Variants in SPTB observed in about 807,000 individuals in gnomAD.
The protein encoded by SPTB is spectrin beta chain, erythrocytic.
SPTB carries 45 observed loss-of-function variants against 256.2 expected under a neutral mutation model. The ratio of observed to expected loss-of-function variants is 0.18; its 90% CI spans 0.14 to 0.23. The LOEUF (loss-of-function observed/expected upper bound fraction) is 0.23. SPTB is among the 10% of genes least tolerant of loss of function. The pLI is 1.00. For missense variants in SPTB, 2,715 were observed against 3,040.4 expected (o/e 0.89, Z 2.52); for synonymous variants, 1,231 against 1,243.1 (o/e 0.99, Z 0.21).
intron 1 of SPTB, among the ~76,000 whole-genome samples, chr14:64,850,723 T>G (rs1262755705): frequency 1.3e-5 from 2 of 152,238 alleles, no homozygotes; most frequent in Non-Finnish European, 1.5e-5. Flanking sequence ...AGTGATGTGA[T>G]TTATGGTGAC....
At position 64,759,538 on chromosome 14, in the gene SPTB, G is replaced by A. The variant is rs1320437021; in HGVS notation, c.6346-5745C>T. ...TAAGCAGGCCATGGTCTGAGGTGGG[G>A]ACTGCCTTACCCGACAGGAGGCGAG... On this transcript the variant is annotated intron_variant, in intron 32 of 35. Transcript: ENST00000644917. The surrounding 1 kb of genome is among the most constrained non-coding windows in gnomAD (Gnocchi z 4.8). Among the ~76,000 whole-genome samples, 2 of 152,240 alleles carry A rather than the reference G, an allele frequency of 1.3e-5. No individual in the cohort carries two copies. Among genetic ancestry groups the A allele is most frequent in the Non-Finnish European group, 2.9e-5 (2 of 68,054 alleles).
chr14:64,855,933 G>A (rs1433090684), intron 1 of SPTB, among the ~76,000 whole-genome samples: 1 of 152,198 alleles, frequency 6.6e-6, no homozygotes. Flanking sequence ...GCCACTGAGA[G>A]GCTCACAGGG....
At chr14:64,860,299 G>C (rs146546605) in intron 1 of SPTB, among the ~76,000 whole-genome samples, 164 of 152,282 alleles carry the variant, frequency 1.1e-3, no homozygotes, top group African/African-American at 3.7e-3. Context: ...GAGCCCTTTT[G>C]TTTCCCCTAA....
intron 2 of SPTB, among the ~76,000 whole-genome samples, chr14:64,809,092 C>A (rs951771442): frequency 2.0e-5 from 3 of 151,792 alleles, no homozygotes; most frequent in Non-Finnish European, 4.4e-5. Context: ...GAAACCTCAT[C>A]TCTATTAAAA....
At chr14:64,828,169 G>A (rs1008485712) in intron 1 of SPTB, among the ~76,000 whole-genome samples, 1 of 152,180 alleles carries the variant, frequency 6.6e-6, no homozygotes, top group African/African-American at 2.4e-5. Flanking sequence ...GCTGTTTGGT[G>A]AGGCCTTTAC....
At chr14:64,756,915 C>A (rs1348275726) in intron 32 of SPTB, 9 of 152,402 alleles carry the variant, frequency 5.9e-5, no homozygotes. Flanking sequence ...CTGGAGGCCC[C>A]AAAGCCCTGC....
At position 64,825,061 on chromosome 14, in the gene SPTB, G is replaced by A. The variant is rs570208739; in HGVS notation, c.-51-1916C>T. ...GACCAGACGGGTTTCAGGAGGGCAG[G>A]TGGGGAAAGGACTGGAGCACAGTTT... is the stretch of plus-strand genomic sequence containing the variant. On this transcript the variant is annotated intron_variant, in intron 1 of 35. Transcript: ENST00000644917. This position sits in a 1 kb window ranked among gnomAD's most constrained non-coding sequence, Gnocchi z 4.8. Among the ~76,000 whole-genome samples, 3 of 152,046 alleles carry A rather than the reference G, an allele frequency of 2.0e-5. No individual in the cohort carries two copies. Among genetic ancestry groups the A allele is most frequent in the Admixed American group, 2.0e-4 (3 of 15,266 alleles).
chr14:64,768,848 G>A (rs866778593), intron 29 of SPTB, among the ~76,000 whole-genome samples, 186 bp downstream of exon 29: 3 of 152,180 alleles, frequency 2.0e-5, no homozygotes, highest in Admixed American at 6.5e-5. Context: ...TTCCAGCAGC[G>A]TGTCTACTCT....
chr14:64,809,438 C>T (rs553507145), intron 2 of SPTB, among the ~76,000 whole-genome samples: 6 of 150,360 alleles, frequency 4.0e-5, no homozygotes, highest in East Asian at 4.0e-4. Flanking sequence ...CTCCGCCTCC[C>T]GAGTTCAAGC....
At chr14:64,750,442 G>A (rs2081927991) in intron 33 of SPTB, among the ~76,000 whole-genome samples, 1 of 151,812 alleles carries the variant, frequency 6.6e-6, no homozygotes, top group Non-Finnish European at 1.5e-5. Flanking sequence ...GTGTTTCTAA[G>A]CATAACACTA....
At position 64,802,460 on chromosome 14, in the gene SPTB, G is replaced by A; in HGVS notation, c.475-143C>T. The A allele has an allele frequency of 1.3e-6, 1 of 769,162 alleles. No individual in the cohort carries two copies. The highest frequency in any genetic ancestry group is 2.2e-6 in the Non-Finnish European group (1 of 445,110). 47.6% of individuals were successfully genotyped at this position (769,162 alleles called of 1,614,324 possible). ...TTAAGAGCCAGTATAAATGGCGCTT[G>A]GGTTGGGTCTCCCTTCATGTGCCCT... On this transcript the variant is annotated intron_variant, in intron 4 of 35. Transcript: ENST00000644917. The surrounding 1 kb of genome is among the most constrained non-coding windows in gnomAD (Gnocchi z 5.1).
intron 2 of SPTB, among the ~76,000 whole-genome samples, chr14:64,822,223 GT>G (rs1277125073): frequency 6.8e-6 from 1 of 147,692 alleles, no homozygotes; most frequent in East Asian, 2.0e-4. Flanking sequence ...CTTACCCTGG[GT>G]CAAGTTCAGG....
chr14:64,868,101 T>C (rs773003592), intron 1 of SPTB, among the ~76,000 whole-genome samples: 1 of 151,986 alleles, frequency 6.6e-6, no homozygotes, highest in Non-Finnish European at 1.5e-5. Flanking sequence ...TGGGGAACCA[T>C]TGAGGGTTTT....
Position 64,775,024 on chromosome 14 carries a change from C to A in SPTB, c.4842+101G>T. 1 of 1,558,500 alleles carries A rather than the reference C, an allele frequency of 6.4e-7. No individual in the cohort carries two copies. Among genetic ancestry groups the A allele is most frequent in the Non-Finnish European group, 8.8e-7 (1 of 1,135,056 alleles). Reference sequence around the variant, plus strand: ...TCCTTGTGCCCCTCCCCTGGCCTCACTCCTCACACAGTTGGACTCACAAGG... The same window carrying A: ...TCCTTGTGCCCCTCCCCTGGCCTCAATCCTCACACAGTTGGACTCACAAGG... On this transcript the variant is annotated intron_variant, in intron 23 of 35. Transcript: ENST00000644917. This position sits in a 1 kb window ranked among gnomAD's most constrained non-coding sequence, Gnocchi z 5.0.
intron 15 of SPTB, among the ~76,000 whole-genome samples, chr14:64,789,505 C>T (rs1201443988): frequency 6.6e-6 from 1 of 152,108 alleles, no homozygotes; most frequent in African/African-American, 2.4e-5. Flanking sequence ...CCAAGTGGGT[C>T]AGTGAGAGGA....
chr14:64,864,758 C>G (rs1003584009), intron 1 of SPTB, among the ~76,000 whole-genome samples: 1 of 151,912 alleles, frequency 6.6e-6, no homozygotes, highest in Non-Finnish European at 1.5e-5. Context: ...ATTATTTTTA[C>G]CCTGGGTAAA....
Position 64,750,221 on chromosome 14 carries a change from G to A in SPTB, c.6603-67C>T, listed in dbSNP as rs535703867. On this transcript the variant is annotated intron_variant, in intron 33 of 35. Transcript: ENST00000644917. Reference sequence around the variant, plus strand: ...GGTATCTCTAGAGTCAATTCCTATAGCTTCACCATTAAAAAAAATTACACC... The same window carrying A: ...GGTATCTCTAGAGTCAATTCCTATAACTTCACCATTAAAAAAAATTACACC... 10 of 1,511,166 alleles carry A rather than the reference G, an allele frequency of 6.6e-6. No homozygotes were observed. The East Asian group carries it at 1.6e-4, about 24-fold the overall frequency. The allele number at this position is 1,511,166 out of a possible 1,614,324, so 93.6% of individuals were successfully genotyped here.
At chr14:64,766,344 G>A in intron 32 of SPTB, 1 of 1,219,992 alleles carries the variant, frequency 8.2e-7, no homozygotes, top group Non-Finnish European at 1.0e-6. Context: ...CTAGAGGAAG[G>A]AGTTGGAAAA....
intron 32 of SPTB, among the ~76,000 whole-genome samples, chr14:64,765,816 GTGTGAGTGTGT>G (rs2082162578): frequency 4.2e-5 from 6 of 143,822 alleles, no homozygotes; most frequent in African/African-American, 1.1e-4. Context: ...GTGTGTGTGT[GTGTGAGTGTGT>G]GTGTGTGTGG....
Sources: allele counts gnomAD v4.1 joint callset (sites outside exome capture counted in the v4.1 genomes callset), GRCh38; gene constraint gnomAD v4.1.1; non-coding constraint Gnocchi (gnomAD v3.1); transcripts MANE v1.5; gene names NCBI Gene and HGNC (gene_info 2026-07-23, HGNC 2026-07-21).